The following MED13L variants were observed in gnomAD, a reference collection of about 807,000 sequenced individuals.
The protein encoded by MED13L is mediator of RNA polymerase II transcription subunit 13-like.
A neutral mutation model predicts 220.9 loss-of-function variants in MED13L; 7 were observed. The observed-to-expected ratio is 0.03, with a 90% CI of 0.02 to 0.06. The LOEUF is 0.06. Ranked by LOEUF, MED13L falls within the 10% of genes least tolerant of loss-of-function variation. The pLI, the probability that MED13L is intolerant of heterozygous loss-of-function variation, is 1.00. For missense variants in MED13L, 1,965 were observed against 2,760.5 expected, an observed-to-expected ratio of 0.71 and a Z score of 6.46; for synonymous variants, 1,011 against 1,015.2, an observed-to-expected ratio of 1.00 and a Z score of 0.08.
At chr12:116,181,334 CA>C (rs1252373477) in intron 2 of MED13L, 4 of 151,546 alleles carry the variant, frequency 2.6e-5, no homozygotes, top group African/African-American at 7.3e-5. Flanking sequence ...ACAAAAGAAA[CA>C]ATTATCATTC....
rs752348833 is a variant in MED13L at position 115,961,401 on chromosome 12, G to A, written c.6501-3C>T. On this transcript the variant is annotated splice_region_variant and splice_polypyrimidine_tract_variant and intron_variant, in intron 30 of 30. Coordinates refer to ENST00000281928, the MANE Select transcript of MED13L (RefSeq NM_015335.5). The stretch of plus-strand genomic sequence containing the variant: ...CGTTGTACTGCTCCAAAACAAACCT[G>A]CCAAAGAGAACACACAGAGCAGGGG... 1 of 1,613,548 alleles carries A rather than the reference G, an allele frequency of 6.2e-7. No homozygotes were observed. The highest frequency in any genetic ancestry group is 1.1e-5 in the South Asian group (1 of 91,054).
In MED13L at chr12:115,983,627, CATT is replaced by C; in HGVS notation, c.4532-90_4532-88del. ...AATCTAGAATGGTCACTTGTAAAAA[CATT>C]ATGCTTTCAGGCTGCAATACTCTGA... On this transcript the variant is annotated intron_variant, in intron 20 of 30. Transcript: ENST00000281928. The C allele has an allele frequency of 2.8e-6, 4 of 1,405,466 alleles. No individual in the cohort carries two copies. In the East Asian group the frequency reaches 9.4e-5, roughly 33 times the overall value. 87.1% of individuals were successfully genotyped at this position (1,405,466 alleles called of 1,614,324 possible). A position where few individuals can be genotyped will look rare whatever the true frequency, so the allele number is the denominator to read the frequency against.
At chr12:116,121,128 T>G (rs980437161) in intron 2 of MED13L, among the ~76,000 whole-genome samples, 1 of 152,202 alleles carries the variant, frequency 6.6e-6, no homozygotes, top group Non-Finnish European at 1.5e-5. Context: ...GTTGCTGTTA[T>G]TCAACCTTTT....
At chr12:116,106,842 T>C (rs1254542873) in intron 3 of MED13L, among the ~76,000 whole-genome samples, 1 of 145,616 alleles carries the variant, frequency 6.9e-6, no homozygotes, top group Non-Finnish European at 1.5e-5. Flanking sequence ...CGAGACTCTG[T>C]CTCAAAAAAA....
At chr12:116,223,506 C>G (rs1868644514) in intron 2 of MED13L, among the ~76,000 whole-genome samples, 1 of 151,940 alleles carries the variant, frequency 6.6e-6, no homozygotes, top group Non-Finnish European at 1.5e-5. Context: ...GTCAGGAGTT[C>G]AGAATCAGCC....
intron 27 of MED13L, among the ~76,000 whole-genome samples, chr12:115,969,769 C>A (rs1009044766): frequency 4.6e-5 from 7 of 152,110 alleles, no homozygotes; most frequent in African/African-American, 1.7e-4. Context: ...AGGGATCCGC[C>A]TGCCTCAGCC....
At chr12:116,015,407 G>A in intron 7 of MED13L, 133 bp from the exon 8 acceptor site, 3 of 912,270 alleles carry the variant, frequency 3.3e-6, no homozygotes, top group Non-Finnish European at 5.3e-6. Flanking sequence ...CCTATCCCCT[G>A]GCAATAACAC....
In MED13L at chr12:116,036,123, T is replaced by C. The variant is rs555649651; in HGVS notation, c.480-13522A>G. Among the ~76,000 whole-genome samples the C allele has an allele frequency of 2.6e-5, 4 of 152,312 alleles. No individual in the cohort carries two copies. The East Asian group carries it at 7.7e-4, about 29-fold the overall frequency. On this transcript the variant is annotated intron_variant, in intron 4 of 30. Transcript: ENST00000281928. The stretch of plus-strand genomic sequence containing the variant: ...TCTGTAACCCCAGCAACTAGCATAC[T>C]GCATGGCACACAAAACCTAATATTC...
chr12:116,164,328 C>A (rs1309944503), intron 2 of MED13L, among the ~76,000 whole-genome samples: 1 of 152,068 alleles, frequency 6.6e-6, no homozygotes, highest in African/African-American at 2.4e-5. Context: ...GAGGTGACCC[C>A]ACCTATCAAC....
chr12:116,229,215 T>C (rs1040940949), intron 2 of MED13L, among the ~76,000 whole-genome samples: 3 of 152,364 alleles, frequency 2.0e-5, no homozygotes, highest in East Asian at 1.9e-4. Context: ...CCAGTCACAA[T>C]GTATTAATCA....
intron 1 of MED13L, among the ~76,000 whole-genome samples, chr12:116,275,346 G>C (rs980886300): frequency 6.6e-6 from 1 of 152,066 alleles, no homozygotes; most frequent in Non-Finnish European, 1.5e-5. Context: ...ACAATACTAA[G>C]AGAAAGAATT....
intron 3 of MED13L, among the ~76,000 whole-genome samples, chr12:116,098,785 C>A (rs1046527364): frequency 1.3e-5 from 2 of 151,980 alleles, no homozygotes; most frequent in Non-Finnish European, 2.9e-5. Flanking sequence ...AAAAAAAATG[C>A]TTTTTAGGGG....
intron 2 of MED13L, among the ~76,000 whole-genome samples, chr12:116,231,694 T>C (rs1242092374): frequency 6.6e-6 from 1 of 152,114 alleles, no homozygotes; most frequent in Non-Finnish European, 1.5e-5. Flanking sequence ...ATGCCAAAAG[T>C]GCTCTGGTTA....
intron 2 of MED13L, among the ~76,000 whole-genome samples, chr12:116,176,813 G>C (rs1312086920): frequency 6.6e-6 from 1 of 150,520 alleles, no homozygotes; most frequent in Non-Finnish European, 1.5e-5. Context: ...GGGAGGAAGG[G>C]GAGGCAACCA....
intron 19 of MED13L, among the ~76,000 whole-genome samples, chr12:115,985,521 T>G (rs1877623954): frequency 6.6e-6 from 1 of 152,230 alleles, no homozygotes; most frequent in Non-Finnish European, 1.5e-5. Flanking sequence ...ATCATAGTAC[T>G]AAATATTTTA....
At chr12:116,097,406 A>C (rs555573483) in intron 3 of MED13L, among the ~76,000 whole-genome samples, 1 of 152,300 alleles carries the variant, frequency 6.6e-6, no homozygotes, top group East Asian at 1.9e-4. Flanking sequence ...TCAGCCTCCC[A>C]AAGTGCTGGG....
intron 14 of MED13L, 21 bp from the exon 15 acceptor site, chr12:115,997,251 A>C (rs1878462468): frequency 6.2e-7 from 1 of 1,608,464 alleles, no homozygotes; most frequent in Non-Finnish European, 8.5e-7. Flanking sequence ...GAAATAAAAA[A>C]AATTTGTTTA....
At chr12:116,224,056 C>G (rs998805633) in intron 2 of MED13L, among the ~76,000 whole-genome samples, 1 of 152,160 alleles carries the variant, frequency 6.6e-6, no homozygotes, top group Admixed American at 6.5e-5. Flanking sequence ...CCAGGCATTA[C>G]GATGGTCCTG....
chr12:116,259,930 T>C (rs932198918), intron 1 of MED13L, among the ~76,000 whole-genome samples: 3 of 151,354 alleles, frequency 2.0e-5, no homozygotes, highest in African/African-American at 7.3e-5. Flanking sequence ...ACATGGGAAA[T>C]GTTAGTGAGT....
Sources: allele counts gnomAD v4.1 joint callset (sites outside exome capture counted in the v4.1 genomes callset), GRCh38; gene constraint gnomAD v4.1.1; transcripts MANE v1.5; gene names NCBI Gene and HGNC (gene_info 2026-07-23, HGNC 2026-07-21).